KAZN: variants seen among roughly 807,000 people sequenced by gnomAD.
KAZN encodes kazrin.
Under a neutral mutation model 87.4 loss-of-function variants are expected in KAZN, and 40 were observed. The ratio of observed to expected loss-of-function variants is 0.46; its 90% CI spans 0.36 to 0.60. The LOEUF (loss-of-function observed/expected upper bound fraction) is 0.60. Among genes scored for constraint, KAZN ranks in the 20% least tolerant of loss-of-function variants. The probability of loss-of-function intolerance (pLI) is 0.00; values close to 1 mark genes in which losing one functional copy is unlikely to be tolerated. For synonymous variants in KAZN, 466 were observed against 458.3 expected (o/e 1.02, Z -0.22); for missense variants, 898 against 1,073.9 (o/e 0.84, Z 2.29).
In KAZN at chr1:14,891,872, G is replaced by T. The variant is rs151055671; in HGVS notation, c.227-68812G>T. 2.3e-4 allele frequency among the ~76,000 whole-genome samples: 35 copies of T among 152,170 alleles called. No homozygotes were observed. In the East Asian group the frequency reaches 6.0e-3, roughly 26 times the overall value. ...AGAAATCTCTGAAGTTATTTCCATG[G>T]TTGGGGGTGGGATGGGGCAGTAAGA... On this transcript the variant is annotated intron_variant, in intron 1 of 14. Coordinates refer to ENST00000376030, the MANE Select transcript of KAZN (RefSeq NM_201628.3).
intron 2 of KAZN, among the ~76,000 whole-genome samples, chr1:14,496,327 A>C (rs1453489720): frequency 6.6e-6 from 1 of 152,184 alleles, no homozygotes; most frequent in Non-Finnish European, 1.5e-5. Context: ...AATAATACAG[A>C]AATGGCACTG....
chr1:14,997,238 T>G (rs1408106521), intron 2 of KAZN, among the ~76,000 whole-genome samples: 6 of 129,966 alleles, frequency 4.6e-5, no homozygotes, highest in South Asian at 2.4e-4. Flanking sequence ...TATTTATTTA[T>G]TTATTTATTT....
At chr1:14,006,773 T>A (rs1037241489) in intron 1 of KAZN, among the ~76,000 whole-genome samples, 59 of 152,206 alleles carry the variant, frequency 3.9e-4, no homozygotes, top group Non-Finnish European at 6.3e-4. Context: ...GCCTCTAACT[T>A]TGTTTTTCTT....
intron 1 of KAZN, among the ~76,000 whole-genome samples, chr1:14,095,914 A>T (rs1213969308): frequency 6.6e-6 from 1 of 152,160 alleles, no homozygotes; most frequent in Non-Finnish European, 1.5e-5. Flanking sequence ...TAATGGCAAG[A>T]GCATCAAATA....
chr1:14,419,515 T>C (rs1233611119), intron 2 of KAZN, among the ~76,000 whole-genome samples: 1 of 152,140 alleles, frequency 6.6e-6, no homozygotes, highest in Non-Finnish European at 1.5e-5. Flanking sequence ...GCCAGTTCCC[T>C]CTGTGTGGGG....
intron 4 of KAZN, among the ~76,000 whole-genome samples, chr1:15,055,162 A>T (rs1375983015): frequency 2.0e-5 from 3 of 152,254 alleles, no homozygotes; most frequent in African/African-American, 7.2e-5. Flanking sequence ...TCCCTGGAGA[A>T]TCCAAAAGAA....
chr1:14,061,098 G>C (rs765297164), intron 1 of KAZN, among the ~76,000 whole-genome samples: 3 of 152,198 alleles, frequency 2.0e-5, no homozygotes, highest in African/African-American at 7.2e-5. Context: ...ACCAGGGTGG[G>C]AGAGGAGATT....
chr1:14,304,761 A>C, intron 2 of KAZN: 1 of 397,150 alleles, frequency 2.5e-6, no homozygotes, highest in Admixed American at 4.4e-5. Flanking sequence ...CCACAGTCTT[A>C]AGGCATGACA....
intron 2 of KAZN, among the ~76,000 whole-genome samples, chr1:14,548,349 C>A (rs2148507081): frequency 6.6e-6 from 1 of 152,190 alleles, no homozygotes; most frequent in East Asian, 1.9e-4. Flanking sequence ...CAGGCGCCCA[C>A]CACCATGCCT....
chr1:14,995,085 G>A (rs552052926), intron 2 of KAZN, among the ~76,000 whole-genome samples: 18 of 152,220 alleles, frequency 1.2e-4, no homozygotes, highest in African/African-American at 3.9e-4. Flanking sequence ...CTGGCCCCTC[G>A]GGAAGGGCAG....
intron 3 of KAZN, among the ~76,000 whole-genome samples, chr1:15,041,967 T>C (rs1240218824): frequency 6.6e-6 from 1 of 152,178 alleles, no homozygotes; most frequent in African/African-American, 2.4e-5. Flanking sequence ...ATTTAAATAA[T>C]GCACCTAAAA....
chr1:14,885,762 A>G (rs1165792211), intron 1 of KAZN, among the ~76,000 whole-genome samples: 3 of 152,034 alleles, frequency 2.0e-5, no homozygotes, highest in Non-Finnish European at 4.4e-5. Context: ...TCTTTCCTTC[A>G]CTGCTCAGCA....
At chr1:15,069,669 C>T (rs1037525281) in intron 8 of KAZN, among the ~76,000 whole-genome samples, 1 of 152,210 alleles carries the variant, frequency 6.6e-6, no homozygotes, top group Non-Finnish European at 1.5e-5. Context: ...TCTCCAGGAC[C>T]TTGCTCCAAA....
At position 14,663,968 on chromosome 1, in the gene KAZN, A is replaced by T. The variant is rs557896936; in HGVS notation, c.226+64745A>T. Reference sequence around the variant, plus strand: ...GATCAGCAAAATGTGTTCTGTCCACACAGTGGAATATTATTCAGCCTTGAA... The same window carrying T: ...GATCAGCAAAATGTGTTCTGTCCACTCAGTGGAATATTATTCAGCCTTGAA... On this transcript the variant is annotated intron_variant, in intron 1 of 14. Transcript: ENST00000376030. 5.0e-4 allele frequency among the ~76,000 whole-genome samples: 76 copies of T among 152,366 alleles called. 1 individual carries two copies. The highest frequency in any genetic ancestry group is 2.1e-3 in the South Asian group (10 of 4,822).
chr1:14,985,059 C>T (rs947383721), intron 2 of KAZN, among the ~76,000 whole-genome samples: 1 of 151,810 alleles, frequency 6.6e-6, no homozygotes, highest in African/African-American at 2.4e-5. Flanking sequence ...TCGCTTGAAC[C>T]CAGGAGGCAG....
At chr1:14,766,811 T>C (rs1644896805) in intron 1 of KAZN, among the ~76,000 whole-genome samples, 1 of 151,704 alleles carries the variant, frequency 6.6e-6, no homozygotes, top group Non-Finnish European at 1.5e-5. Context: ...TGGTTCCTCT[T>C]AGAATCACTG....
At chr1:15,024,077 G>A (rs745445348) in intron 2 of KAZN, among the ~76,000 whole-genome samples, 2 of 152,112 alleles carry the variant, frequency 1.3e-5, no homozygotes, top group African/African-American at 2.4e-5. Context: ...AAGCAGAGGT[G>A]TGGATGCTCT....
chr1:15,096,607 C>T lies in KAZN; in HGVS notation c.1547+1674C>T, dbSNP rs1433489379. Among the ~76,000 whole-genome samples the T allele has an allele frequency of 3.3e-5, 5 of 152,206 alleles. No individual in the cohort carries two copies. Among genetic ancestry groups the T allele is most frequent in the Non-Finnish European group, 2.9e-5 (2 of 68,032 alleles). On this transcript the variant is annotated intron_variant, in intron 10 of 14. Transcript: ENST00000376030. The surrounding 1 kb of genome is among the most constrained non-coding windows in gnomAD (Gnocchi z 4.5). The stretch of plus-strand genomic sequence containing the variant: ...GTTGCTTAGACAACAACTTACGTCT[C>T]ACAGTTCTGGAGGCTGGAAGTCCAA...
At chr1:14,485,026 T>G (rs1194493489) in intron 2 of KAZN, among the ~76,000 whole-genome samples, 1 of 152,148 alleles carries the variant, frequency 6.6e-6, no homozygotes, top group Non-Finnish European at 1.5e-5. Flanking sequence ...AAACTTACAT[T>G]GCAAAGGGTT....
Sources: gnomAD v4.1 joint callset for allele counts (sites outside exome capture counted in the v4.1 genomes callset) on GRCh38, gnomAD v4.1.1 for gene constraint, Gnocchi (gnomAD v3.1) non-coding constraint, MANE v1.5 for transcripts, NCBI Gene and HGNC (gene_info 2026-07-23, HGNC 2026-07-21) for gene names.